The following CCSER2 variants were observed in gnomAD, a reference collection of about 807,000 sequenced individuals.
CCSER2 encodes serine-rich coiled-coil domain-containing protein 2.
In CCSER2, 46 loss-of-function variants were observed where a neutral mutation model predicts 92.3. The observed-to-expected ratio is 0.50, with a 90% CI of 0.39 to 0.64. The LOEUF is 0.64. Ranked by LOEUF, CCSER2 falls within the 30% of genes least tolerant of loss-of-function variation. CCSER2 has a pLI of 0.00. For missense variants in CCSER2, 1,244 were observed against 1,238.9 expected, an observed-to-expected ratio of 1.00 and a Z score of -0.06; for synonymous variants, 433 against 431.4, an observed-to-expected ratio of 1.00 and a Z score of -0.04.
intron 6 of CCSER2, among the ~76,000 whole-genome samples, chr10:84,463,131 C>G (rs1357443351): frequency 1.3e-5 from 2 of 152,148 alleles, no homozygotes; most frequent in African/African-American, 2.4e-5. Context: ...TAAACCAGTT[C>G]AGCAAAGGGT....
chr10:84,373,509 T>C, intron 2 of CCSER2, 110 bp from the exon 3 acceptor site: 2 of 827,374 alleles, frequency 2.4e-6, no homozygotes, highest in Non-Finnish European at 3.7e-6. Flanking sequence ...ATGAGTGCTT[T>C]TTTTGAGCCA....
intron 8 of CCSER2, among the ~76,000 whole-genome samples, chr10:84,472,022 G>A (rs1846835960): frequency 6.6e-6 from 1 of 151,724 alleles, no homozygotes; most frequent in African/African-American, 2.4e-5. Flanking sequence ...AAAGTAATTA[G>A]TAGGTTGGAA....
intron 9 of CCSER2, among the ~76,000 whole-genome samples, chr10:84,502,115 GT>G (rs768277816): frequency 8.7e-5 from 13 of 148,578 alleles, no homozygotes; most frequent in African/African-American, 2.2e-4. Context: ...CTAATAAAGG[GT>G]TTTTTTTTAG....
chr10:84,449,727 G>T (rs1042525813), intron 6 of CCSER2, among the ~76,000 whole-genome samples: 1 of 152,096 alleles, frequency 6.6e-6, no homozygotes, highest in Non-Finnish European at 1.5e-5. Context: ...GGTGGCGCAT[G>T]CCTGTAATGA....
Position 84,417,816 on chromosome 10 carries a change from C to CTT in CCSER2, c.1661_1662dup (p.Met555LeufsTer21). The CTT allele has an allele frequency of 6.3e-7, 1 of 1,599,250 alleles. No individual in the cohort carries two copies. The highest frequency in any genetic ancestry group is 8.6e-7 in the Non-Finnish European group (1 of 1,166,756). On this transcript the variant is annotated frameshift_variant, in exon 4 of 10. Coordinates refer to ENST00000372088, the MANE Select transcript of CCSER2 (RefSeq NM_001284240.2). LOFTEE classifies it high-confidence loss of function. ...ATCATGTGACCTTGAGGATGATGAT[C>CTT]TTATGCTTGATGTGGATCTGCCTGA...
At chr10:84,425,107 G>A in intron 4 of CCSER2, 1 of 978,572 alleles carries the variant, frequency 1.0e-6, no homozygotes, top group Non-Finnish European at 1.2e-6. Flanking sequence ...TGTGGTATTT[G>A]GGTTTAAGGG....
At position 84,516,498 on chromosome 10, in the gene CCSER2, A is replaced by G. The variant is rs1849601718; in HGVS notation, c.*2231A>G. ...ATGTTGCAAATATGTGAATCATACT[A>G]TATTCCCCTAAAGTAAAACCAGTGA... is the stretch of plus-strand genomic sequence containing the variant. On this transcript the variant is annotated 3_prime_UTR_variant, in exon 10 of 10. Coordinates refer to ENST00000372088, the MANE Select transcript of CCSER2 (RefSeq NM_001284240.2). The G allele has an allele frequency of 6.6e-6, 1 of 152,196 alleles. No individual in the cohort carries two copies. Among genetic ancestry groups the G allele is most frequent in the Non-Finnish European group, 1.5e-5 (1 of 68,032 alleles). 9.4% of individuals were successfully genotyped at this position (152,196 alleles called of 1,614,324 possible). A position where few individuals can be genotyped will look rare whatever the true frequency, so the allele number is the denominator to read the frequency against.
chr10:84,405,148 G>A (rs1842316137), intron 3 of CCSER2, among the ~76,000 whole-genome samples: 1 of 152,150 alleles, frequency 6.6e-6, no homozygotes, highest in Non-Finnish European at 1.5e-5. Context: ...ACGTAATAGA[G>A]GCTCCAGAAA....
chr10:84,371,443 T>C lies in CCSER2; in HGVS notation c.391T>C (p.Phe131Leu). Residue 131 changes from phenylalanine (F) to leucine (L), a missense_variant, in exon 2 of 10, where the codon TTT becomes CTT. Physicochemically the swap from Phe to Leu is conservative, Grantham distance 22. Coordinates refer to ENST00000372088, the MANE Select transcript of CCSER2 (RefSeq NM_001284240.2). ...AAAGTTAGCAAAGCCATCCACTATGTTTGTGTCATCTACAGAGGAGTTAAA... is the reference window on the plus strand; with the variant it reads ...AAAGTTAGCAAAGCCATCCACTATGCTTGTGTCATCTACAGAGGAGTTAAA... ...TSKLAKPSTMFVSSTEELNQK... is the reference protein window; with the variant it reads ...TSKLAKPSTMLVSSTEELNQK... 1 of 1,613,828 alleles carries C rather than the reference T, an allele frequency of 6.2e-7. No individual in the cohort carries two copies. The highest frequency in any genetic ancestry group is 8.5e-7 in the Non-Finnish European group (1 of 1,179,886).
intron 6 of CCSER2, among the ~76,000 whole-genome samples, chr10:84,444,402 A>T (rs913222393): frequency 1.3e-5 from 2 of 152,218 alleles, no homozygotes; most frequent in African/African-American, 4.8e-5. Flanking sequence ...ATTTTAGGCT[A>T]AAGTCGTTAA....
Position 84,371,197 on chromosome 10 carries a change from A to C in CCSER2, c.145A>C (p.Ser49Arg), listed in dbSNP as rs1221338419. 2.5e-6 allele frequency: 4 copies of C among 1,613,422 alleles called. No individual in the cohort carries two copies. The highest frequency in any genetic ancestry group is 3.4e-6 in the Non-Finnish European group (4 of 1,179,736). Residue 49 changes from serine to arginine, a missense_variant, in exon 2 of 10, where the codon AGT becomes CGT. Physicochemically the swap from Ser to Arg is moderately radical, Grantham distance 110. Transcript: ENST00000372088. ...AACTTCCAAGAATAGTAATGTCAAA[A>C]GTTACATCAAAAATAATGGCTCTGA... Reference protein sequence around the residue: ...LGTSKNSNVKSYIKNNGSDCP... With the variant: ...LGTSKNSNVKRYIKNNGSDCP...
At chr10:84,428,432 A>G (rs1212093307) in intron 5 of CCSER2, among the ~76,000 whole-genome samples, 8 of 152,194 alleles carry the variant, frequency 5.3e-5, no homozygotes, top group Non-Finnish European at 2.9e-5. Context: ...GCTTACATGC[A>G]TGCCCTCTGC....
intron 3 of CCSER2, among the ~76,000 whole-genome samples, chr10:84,396,184 A>AGT (rs1841820467): frequency 1.1e-5 from 1 of 88,898 alleles, no homozygotes; most frequent in African/African-American, 6.5e-5. Flanking sequence ...GTTATTCAAC[A>AGT]CTGTGTGTGT....
At chr10:84,391,402 G>A in intron 3 of CCSER2, 1 of 1,498,532 alleles carries the variant, frequency 6.7e-7, no homozygotes, top group Non-Finnish European at 9.3e-7. Flanking sequence ...ATCAGTGGAT[G>A]CAGGATAAAA....
In CCSER2 at chr10:84,480,233, C is replaced by G. The variant is rs145085902; in HGVS notation, c.2325+2569C>G. On this transcript the variant is annotated intron_variant, in intron 9 of 9. Coordinates refer to ENST00000372088, the MANE Select transcript of CCSER2 (RefSeq NM_001284240.2). The stretch of plus-strand genomic sequence containing the variant: ...CTAATTTTTTTATTTTTTGTAGAGA[C>G]AGGGGTCTCACACTCCTGGGCTCAG... Among the ~76,000 whole-genome samples, 934 of 152,016 alleles carry G rather than the reference C, an allele frequency of 6.1e-3. 5 individuals are homozygous for G. The highest frequency in any genetic ancestry group is 0.021 in the African/African-American group (854 of 41,434).
At chr10:84,452,350 G>A (rs1845343213) in intron 6 of CCSER2, 1 of 152,184 alleles carries the variant, frequency 6.6e-6, no homozygotes, top group Non-Finnish European at 1.5e-5. Flanking sequence ...TTAACATGTG[G>A]AAGAATTATA....
intron 4 of CCSER2, among the ~76,000 whole-genome samples, chr10:84,422,011 G>A (rs2133412981): frequency 6.6e-6 from 1 of 152,332 alleles, no homozygotes; most frequent in Middle Eastern, 3.4e-3. Flanking sequence ...TGGAATGAGA[G>A]TCTTCAAGGA....
chr10:84,387,033 A>G (rs1372727748), intron 3 of CCSER2, among the ~76,000 whole-genome samples: 3 of 152,184 alleles, frequency 2.0e-5, no homozygotes, highest in East Asian at 1.9e-4. Context: ...AGACCTCACC[A>G]TTATGCAACA....
intron 7 of CCSER2, among the ~76,000 whole-genome samples, chr10:84,469,818 T>C (rs1589752313): frequency 6.6e-6 from 1 of 152,194 alleles, no homozygotes; most frequent in East Asian, 1.9e-4. Context: ...CCTCAAAAAG[T>C]GGCTCATGGT....
Sources: allele counts gnomAD v4.1 joint callset (sites outside exome capture counted in the v4.1 genomes callset), GRCh38; gene constraint gnomAD v4.1.1; transcripts MANE v1.5; gene names NCBI Gene and HGNC (gene_info 2026-07-23, HGNC 2026-07-21).